The following NPLOC4 variants were observed in gnomAD, a reference collection of about 807,000 sequenced individuals.
NPLOC4 encodes the protein nuclear protein localization protein 4 homolog.
Under a neutral mutation model 80.6 loss-of-function variants are expected in NPLOC4, and 18 were observed. The ratio of observed to expected loss-of-function variants is 0.22; its 90% confidence interval spans 0.15 to 0.33. The LOEUF (loss-of-function observed/expected upper bound fraction) is 0.33, where lower values mean the gene tolerates loss of function less well. Ranked by LOEUF, NPLOC4 falls within the 10% of genes least tolerant of loss-of-function variation. NPLOC4 has a pLI of 1.00. For missense variants in NPLOC4, 540 were observed against 786.1 expected, an observed-to-expected ratio of 0.69 and a Z score of 3.74; for synonymous variants, 313 against 301.5, an observed-to-expected ratio of 1.04 and a Z score of -0.39.
intron 11 of NPLOC4, among the ~76,000 whole-genome samples, chr17:81,594,291 A>C (rs2034833668): frequency 6.6e-6 from 1 of 150,510 alleles, no homozygotes; most frequent in Admixed American, 6.6e-5. Flanking sequence ...AAAAAAAAAA[A>C]AAAAAAAAAA....
rs2034416171 is a variant in NPLOC4 at position 81,580,742 on chromosome 17, T to C, written c.1281+8202A>G. Reference sequence around the variant, plus strand: ...CAGTCTCCCCGATGCAGGGAGCCCTTCTCCATTCTCCATGAACTCCAGGGC... The same window carrying C: ...CAGTCTCCCCGATGCAGGGAGCCCTCCTCCATTCTCCATGAACTCCAGGGC... On this transcript the variant is annotated intron_variant, in intron 12 of 16. Coordinates refer to ENST00000331134, the MANE Select transcript of NPLOC4 (RefSeq NM_017921.4). This position sits in a 1 kb window ranked among gnomAD's most constrained non-coding sequence, Gnocchi z 4.4. 6.6e-6 allele frequency among the ~76,000 whole-genome samples: 1 copy of C among 152,196 alleles called. No individual in the cohort carries two copies. The highest frequency in any genetic ancestry group is 1.5e-5 in the Non-Finnish European group (1 of 68,028).
intron 3 of NPLOC4, among the ~76,000 whole-genome samples, chr17:81,620,978 G>T (rs377553744): frequency 6.6e-6 from 1 of 150,968 alleles, no homozygotes; most frequent in East Asian, 2.0e-4. Context: ...AGCTACGATC[G>T]CACCACCGCA....
intron 12 of NPLOC4, among the ~76,000 whole-genome samples, chr17:81,586,725 C>T (rs1253680280): frequency 6.6e-6 from 1 of 152,212 alleles, no homozygotes; most frequent in East Asian, 1.9e-4. Context: ...ATCTCCCAGC[C>T]TTTCAGGGCC....
intron 2 of NPLOC4, among the ~76,000 whole-genome samples, chr17:81,623,411 G>C (rs2035716726): frequency 7.1e-6 from 1 of 141,018 alleles, no homozygotes; most frequent in Admixed American, 7.7e-5. Flanking sequence ...GCTGCAGTGA[G>C]TCGAGATCAT....
chr17:81,587,630 T>TTAAAAAAAA (rs1328834248), intron 12 of NPLOC4, among the ~76,000 whole-genome samples: 1 of 102,160 alleles, frequency 9.8e-6, no homozygotes, highest in Non-Finnish European at 1.9e-5. Context: ...CCTGTCTCTT[T>TTAAAAAAAA]AAAAAAAAAA....
chr17:81,631,604 C>G (rs2035932939), intron 1 of NPLOC4, among the ~76,000 whole-genome samples: 1 of 151,900 alleles, frequency 6.6e-6, no homozygotes, highest in South Asian at 2.1e-4. Flanking sequence ...GCACAGGCCC[C>G]TGCTTTAGAC....
intron 1 of NPLOC4, among the ~76,000 whole-genome samples, chr17:81,632,030 G>T (rs1248007641): frequency 6.6e-6 from 1 of 151,632 alleles, no homozygotes; most frequent in Non-Finnish European, 1.5e-5. Context: ...CGCAATCTCG[G>T]CTCACTGCAA....
intron 12 of NPLOC4, among the ~76,000 whole-genome samples, chr17:81,574,172 A>G (rs899306896): frequency 6.6e-6 from 1 of 152,242 alleles, no homozygotes; most frequent in African/African-American, 2.4e-5. Context: ...TAATTAGCCC[A>G]TCTGGAATTC....
intron 3 of NPLOC4, among the ~76,000 whole-genome samples, chr17:81,618,099 CCT>C (rs1392103049): frequency 6.6e-6 from 1 of 152,062 alleles, no homozygotes; most frequent in Non-Finnish European, 1.5e-5. Flanking sequence ...AAGTGAGGAG[CCT>C]CTCTGCCTGG....
At position 81,569,064 on chromosome 17, in the gene NPLOC4, C is replaced by T. The variant is rs752826507; in HGVS notation, c.1401G>A (p.Ser467=). ...PKDPVYTFSI[S]QNPFPIENRD... is the part of the protein sequence containing the mutation. Reference sequence around the variant, plus strand: ...GGTTTTCAATAGGAAATGGATTTTGCGAAATAGAAAAAGTGTAAACTGGAT... The same window carrying T: ...GGTTTTCAATAGGAAATGGATTTTGTGAAATAGAAAAAGTGTAAACTGGAT... The change falls in exon 14 of 17, where the codon TCG becomes TCA. Residue 467 remains serine (S), a synonymous_variant. Coordinates refer to ENST00000331134, the MANE Select transcript of NPLOC4 (RefSeq NM_017921.4). 7.4e-6 allele frequency: 12 copies of T among 1,612,592 alleles called. No individual in the cohort carries two copies. In the African/African-American group the frequency reaches 9.4e-5, roughly 13 times the overall value.
At position 81,618,519 on chromosome 17, in the gene NPLOC4, C is replaced by T. The variant is rs535830589; in HGVS notation, c.209+3647G>A. ...AGCGACCCCGCCCGGCCAGCCGCCC[C>T]GTCCGGGAGGGAGGTGAGGGGTCAG... On this transcript the variant is annotated intron_variant, in intron 3 of 16. Coordinates refer to ENST00000331134, the MANE Select transcript of NPLOC4 (RefSeq NM_017921.4). Among the ~76,000 whole-genome samples, 259 of 147,266 alleles carry T rather than the reference C, an allele frequency of 1.8e-3. 1 individual carries two copies. The highest frequency in any genetic ancestry group is 5.9e-3 in the African/African-American group (232 of 39,592).
intron 10 of NPLOC4, among the ~76,000 whole-genome samples, chr17:81,596,620 A>T (rs1386998318): frequency 6.6e-6 from 1 of 152,118 alleles, no homozygotes; most frequent in African/African-American, 2.4e-5. Context: ...AACCACTTTG[A>T]AACAAGTATC....
intron 11 of NPLOC4, 27 bp downstream of exon 11, chr17:81,596,089 T>TTAC (rs1568140644): frequency 1.3e-6 from 2 of 1,597,136 alleles, no homozygotes; most frequent in Non-Finnish European, 1.7e-6. Flanking sequence ...GTGGTAATAT[T>TTAC]TACAGTACAT....
intron 3 of NPLOC4, among the ~76,000 whole-genome samples, chr17:81,614,146 G>A (rs1224590613): frequency 4.0e-5 from 6 of 151,566 alleles, no homozygotes; most frequent in South Asian, 2.1e-4. Context: ...GCGTGGTGGC[G>A]CACGCCTGTA....
At chr17:81,602,626 C>T (rs1168913972) in intron 8 of NPLOC4, among the ~76,000 whole-genome samples, 3 of 151,412 alleles carry the variant, frequency 2.0e-5, no homozygotes, top group African/African-American at 2.4e-5. Context: ...CACTTGAACC[C>T]GGAAGGCGGA....
chr17:81,611,319 CAAAT>C (rs1428743293), intron 4 of NPLOC4, among the ~76,000 whole-genome samples: 6 of 151,694 alleles, frequency 4.0e-5, no homozygotes, highest in Non-Finnish European at 1.5e-5. Flanking sequence ...AAATTCCACT[CAAAT>C]AAATAAATAA....
intron 8 of NPLOC4, among the ~76,000 whole-genome samples, chr17:81,601,291 C>T (rs186642137): frequency 1.5e-4 from 23 of 152,326 alleles, no homozygotes; most frequent in South Asian, 2.1e-4. Flanking sequence ...AAGAAGTTTA[C>T]GTTTGCTGGG....
intron 8 of NPLOC4, 142 bp downstream of exon 8, chr17:81,604,406 T>A (rs1598657271): frequency 1.5e-6 from 1 of 683,746 alleles, no homozygotes; most frequent in Non-Finnish European, 2.4e-6. Flanking sequence ...CTCCAATAAC[T>A]CAGAAAATGT....
At chr17:81,560,709 CA>C in intron 16 of NPLOC4, 1 of 153,110 alleles carries the variant, frequency 6.5e-6, no homozygotes. Context: ...ACAACAACAA[CA>C]AAAAACCTAC....
Sources: gnomAD v4.1 joint callset for allele counts (sites outside exome capture counted in the v4.1 genomes callset) on GRCh38, gnomAD v4.1.1 for gene constraint, Gnocchi (gnomAD v3.1) non-coding constraint, MANE v1.5 for transcripts, NCBI Gene and HGNC (gene_info 2026-07-23, HGNC 2026-07-21) for gene names.